RFK: variants seen among roughly 807,000 people sequenced by gnomAD.
RFK encodes 0610038L10Rik.
A neutral mutation model predicts 17.6 loss-of-function variants in RFK; 4 were observed. The observed-to-expected ratio is 0.23, with a 90% confidence interval of 0.11 to 0.52. The LOEUF (loss-of-function observed/expected upper bound fraction) is 0.52. Among genes scored for constraint, RFK ranks in the 20% least tolerant of loss-of-function variants. The probability of loss-of-function intolerance (pLI) is 0.96; values close to 1 mark genes in which losing one functional copy is unlikely to be tolerated. For synonymous variants in RFK, 59 were observed against 63.8 expected, an observed-to-expected ratio of 0.92 and a Z score of 0.36; for missense variants, 189 against 187.7, an observed-to-expected ratio of 1.01 and a Z score of -0.04.
rs1307033841 is a variant in RFK at position 76,386,128 on chromosome 9, G to A, written c.*1271C>T. On this transcript the variant is annotated 3_prime_UTR_variant, in exon 4 of 4. Coordinates refer to ENST00000376736, the MANE Select transcript of RFK (RefSeq NM_018339.6). ...TCACCACCAAATCTGTTGCTACAGT[G>A]AACTGTAGCAATGTACTGTTTGAGG... is the stretch of plus-strand genomic sequence containing the variant. 6.6e-6 allele frequency: 1 copy of A among 152,124 alleles called. No individual in the cohort carries two copies. Among genetic ancestry groups the A allele is most frequent in the African/African-American group, 2.4e-5 (1 of 41,400 alleles). 9.4% of individuals were successfully genotyped at this position (152,124 alleles called of 1,614,324 possible).
chr9:76,387,288 C>G lies in RFK; in HGVS notation c.*111G>C, dbSNP rs1822749739. The G allele has an allele frequency of 1.0e-6, 1 of 995,616 alleles. No individual in the cohort carries two copies. Among genetic ancestry groups the G allele is most frequent in the Non-Finnish European group, 1.5e-6 (1 of 671,204 alleles). 61.7% of individuals were successfully genotyped at this position (995,616 alleles called of 1,614,324 possible). ...CAACATTGTACGGTTTAAACTAATT[C>G]ACAACTGTAGTAAAGTGTTTGATTT... On this transcript the variant is annotated 3_prime_UTR_variant, in exon 4 of 4. Coordinates refer to ENST00000376736, the MANE Select transcript of RFK (RefSeq NM_018339.6).
intron 2 of RFK, 39 bp from the exon 3 acceptor site, chr9:76,388,695 A>T (rs778501351): frequency 5.1e-6 from 6 of 1,182,414 alleles, no homozygotes; most frequent in Non-Finnish European, 7.5e-6. Context: ...CTATCAGACT[A>T]CAGTGTACTG....
At chr9:76,387,612 A>T (rs141163400) in intron 3 of RFK, 83 bp from the exon 4 acceptor site, 1 of 1,357,818 alleles carries the variant, frequency 7.4e-7, no homozygotes, top group East Asian at 2.4e-5. Flanking sequence ...CAATCCTAAA[A>T]ACTCACAGGC....
Position 76,392,538 on chromosome 9 carries a change from A to T in RFK, c.114T>A (p.Leu38=). The T allele has an allele frequency of 6.2e-7, 1 of 1,614,160 alleles. No homozygotes were observed. Among genetic ancestry groups the T allele is most frequent in the Non-Finnish European group, 8.5e-7 (1 of 1,179,990 alleles). The change falls in exon 2 of 4, where the codon CTT becomes CTA. Residue 38 remains leucine (L), a synonymous_variant. Coordinates refer to ENST00000376736, the MANE Select transcript of RFK (RefSeq NM_018339.6). ...AAATACCAGTGGATATATCAGCTGGAAGATTATCTACCACTTGCTCAGGAA... is the reference window on the plus strand; with the variant it reads ...AAATACCAGTGGATATATCAGCTGGTAGATTATCTACCACTTGCTCAGGAA... ...ANFPEQVVDN[L]PADISTGIYY... is the part of the protein sequence containing the mutation.
chr9:76,392,041 C>A (rs1822825997), intron 2 of RFK, among the ~76,000 whole-genome samples: 1 of 151,586 alleles, frequency 6.6e-6, no homozygotes, highest in African/African-American at 2.4e-5. Flanking sequence ...TAAATATAAA[C>A]CCCATGGTAA....
intron 3 of RFK, 145 bp from the exon 4 acceptor site, chr9:76,387,674 T>C (rs1822756913): frequency 2.9e-6 from 2 of 699,566 alleles, no homozygotes; most frequent in African/African-American, 1.8e-5. Flanking sequence ...GTTCCATCAC[T>C]CCTTCCAGGC....
intron 2 of RFK, among the ~76,000 whole-genome samples, chr9:76,390,839 CTTT>C (rs56821125): frequency 2.0e-5 from 3 of 146,624 alleles, no homozygotes; most frequent in Non-Finnish European, 1.5e-5. Flanking sequence ...TAAGATAACG[CTTT>C]TTTTTTTTTT....
chr9:76,388,344 C>G lies in RFK; in HGVS notation c.337+210G>C, dbSNP rs1822768470. On this transcript the variant is annotated intron_variant, in intron 3 of 3. Coordinates refer to ENST00000376736, the MANE Select transcript of RFK (RefSeq NM_018339.6). ...TGTGACTTTGAGAATGTTACTTAATCTCTCTGTGCCATTTCCTCATCTGAG... is the reference window on the plus strand; with the variant it reads ...TGTGACTTTGAGAATGTTACTTAATGTCTCTGTGCCATTTCCTCATCTGAG... The G allele has an allele frequency of 4.7e-6, 3 of 636,214 alleles. No homozygotes were observed. The Admixed American group carries it at 6.8e-5, about 14-fold the overall frequency. 39.4% of individuals were successfully genotyped at this position (636,214 alleles called of 1,614,324 possible). A position where few individuals can be genotyped will look rare whatever the true frequency, so the allele number is the denominator to read the frequency against.
chr9:76,392,029 G>C (rs948333941), intron 2 of RFK, among the ~76,000 whole-genome samples: 5 of 151,820 alleles, frequency 3.3e-5, no homozygotes, highest in African/African-American at 4.8e-5. Context: ...ATTTCAGGAT[G>C]TTAAATATAA....
intron 3 of RFK, 170 bp from the exon 4 acceptor site, chr9:76,387,699 C>A: frequency 1.7e-6 from 1 of 589,130 alleles, no homozygotes; most frequent in South Asian, 2.3e-5. Context: ...GTCAATGGTA[C>A]ACAAAAGATA....
In RFK at chr9:76,388,381, A is replaced by G. The variant is rs1822769397; in HGVS notation, c.337+173T>C. 4 of 646,166 alleles carry G rather than the reference A, an allele frequency of 6.2e-6. No homozygotes were observed. In the Admixed American group the frequency reaches 9.5e-5, roughly 15 times the overall value. 40.0% of individuals were successfully genotyped at this position (646,166 alleles called of 1,614,324 possible). A position where few individuals can be genotyped will look rare whatever the true frequency, so the allele number is the denominator to read the frequency against. On this transcript the variant is annotated intron_variant, in intron 3 of 3. Transcript: ENST00000376736. ...TTTCCTCATCTGAGAAATAGGCAAA[A>G]TAATCCCTCACAGGTGAAAGAAGAT...
rs150730969 is a variant in RFK, at chr9:76,388,626, C to T, written c.265G>A (p.Asp89Asn). 4 of 1,611,716 alleles carry T rather than the reference C, an allele frequency of 2.5e-6. No homozygotes were observed. In the African/African-American group the frequency reaches 5.3e-5, roughly 22 times the overall value. Reference protein sequence around the residue: ...ETHIMHTFKEDFYGEILNVAI... With the variant: ...ETHIMHTFKENFYGEILNVAI... ...ACATTGAGGATTTCCCCATAGAAGT[C>T]CTCTTTGAAGGTATGCATGATATGT... Residue 89 changes from aspartate to asparagine, a missense_variant, in exon 3 of 4, where the codon GAC (aspartate) becomes AAC (asparagine). Physicochemically the swap from Asp to Asn is conservative, Grantham distance 23. This residue lies in a region of RFK where 95 missense variants were observed against 95.7 expected (regional missense o/e 0.99). Coordinates refer to ENST00000376736, the MANE Select transcript of RFK (RefSeq NM_018339.6).
Position 76,390,396 on chromosome 9 carries a change from G to A in RFK, c.235-1740C>T, listed in dbSNP as rs561275463. Among the ~76,000 whole-genome samples, 3 of 152,272 alleles carry A rather than the reference G, an allele frequency of 2.0e-5. No individual in the cohort carries two copies. The South Asian group carries it at 6.2e-4, about 32-fold the overall frequency. On this transcript the variant is annotated intron_variant, in intron 2 of 3. Coordinates refer to ENST00000376736, the MANE Select transcript of RFK (RefSeq NM_018339.6). Reference sequence around the variant, plus strand: ...TAAGAACCTCTGGGCTGGGTGCCATGCTCATGCCTGTAATCCTGGCACTTT... The same window carrying A: ...TAAGAACCTCTGGGCTGGGTGCCATACTCATGCCTGTAATCCTGGCACTTT...
At chr9:76,391,914 C>A (rs1337164267) in intron 2 of RFK, among the ~76,000 whole-genome samples, 1 of 143,474 alleles carries the variant, frequency 7.0e-6, no homozygotes, top group South Asian at 2.3e-4. Context: ...TCAGTCTGGG[C>A]AACATAGTGA....
rs756021800 is a variant in RFK, at chr9:76,387,459, C to G, written c.408G>C (p.Leu136Phe). The G allele has an allele frequency of 3.1e-6, 5 of 1,611,794 alleles. No homozygotes were observed. Among genetic ancestry groups the G allele is most frequent in the Non-Finnish European group, 4.2e-6 (5 of 1,179,386 alleles). ...GGAAGAAATTGTCTTCTTTGATTTT[C>G]AAATGTTCTGGTAACTCTAGTCGTT... Reference protein sequence around the residue: ...AKKRLELPEHLKIKEDNFFQV... With the variant: ...AKKRLELPEHFKIKEDNFFQV... Residue 136 changes from leucine (L) to phenylalanine (F), a missense_variant, in exon 4 of 4, where the codon TTG becomes TTC. Transcript: ENST00000376736.
intron 1 of RFK, among the ~76,000 whole-genome samples, chr9:76,393,535 C>G (rs7022515): frequency 6.6e-6 from 1 of 152,160 alleles, no homozygotes; most frequent in Non-Finnish European, 1.5e-5. Context: ...AATACACAAG[C>G]TCAAGGCTGA....
intron 1 of RFK, among the ~76,000 whole-genome samples, chr9:76,393,066 A>T (rs562356170): frequency 1.3e-5 from 2 of 152,192 alleles, no homozygotes; most frequent in Admixed American, 1.3e-4. Context: ...GGTTATGAAT[A>T]AAGTACCAGG....
At chr9:76,388,807 T>A in intron 2 of RFK, 151 bp from the exon 3 acceptor site, 1 of 537,060 alleles carries the variant, frequency 1.9e-6, no homozygotes, top group Non-Finnish European at 3.2e-6. Context: ...AAGTGCAGTT[T>A]TTCCTAAATT....
chr9:76,393,480 T>C (rs1428668931), intron 1 of RFK, among the ~76,000 whole-genome samples: 1 of 152,100 alleles, frequency 6.6e-6, no homozygotes, highest in Non-Finnish European at 1.5e-5. Flanking sequence ...GTGCTGGGAT[T>C]ACAGGCGTGA....
Sources: gnomAD v4.1 joint callset for allele counts (sites outside exome capture counted in the v4.1 genomes callset) on GRCh38, gnomAD v4.1.1 for gene constraint, gnomAD v4.1.1 regional missense constraint, MANE v1.5 for transcripts, NCBI Gene and HGNC (gene_info 2026-07-23, HGNC 2026-07-21) for gene names.